ZMYM2: variants seen among roughly 807,000 people sequenced by gnomAD.
The protein encoded by ZMYM2 is zinc finger MYM-type containing 2.
A neutral mutation model predicts 162.8 loss-of-function variants in ZMYM2; 56 were observed. The ratio of observed to expected loss-of-function variants is 0.34; its 90% CI spans 0.28 to 0.43. The LOEUF is 0.43. Among genes scored for constraint, ZMYM2 ranks in the 20% least tolerant of loss-of-function variants. The pLI is 1.00. For missense variants in ZMYM2, 1,275 were observed against 1,621.8 expected (o/e 0.79, Z 3.67); for synonymous variants, 510 against 541.6 (o/e 0.94, Z 0.81).
At chr13:19,877,924 G>C in the ZMYM2 span, among the ~76,000 whole-genome samples, 3 of 152,130 alleles carry the variant, frequency 2.0e-5, no homozygotes, top group Admixed American at 2.0e-4. Flanking sequence ...GAAATCACTG[G>C]ATTATATAGT....
chr13:20,029,103 C>A (rs924801351), intron 9 of ZMYM2, among the ~76,000 whole-genome samples: 1 of 152,188 alleles, frequency 6.6e-6, no homozygotes, highest in African/African-American at 2.4e-5. Context: ...TTACAGAATA[C>A]CTTAGACTGG....
At chr13:19,898,739 A>C in the ZMYM2 span, among the ~76,000 whole-genome samples, 1 of 151,840 alleles carries the variant, frequency 6.6e-6, no homozygotes, top group African/African-American at 2.4e-5. Flanking sequence ...CAGTCTGGGC[A>C]ACAAGGCAAG....
At chr13:19,914,427 C>T in the ZMYM2 span, among the ~76,000 whole-genome samples, 669 of 152,310 alleles carry the variant, frequency 4.4e-3, 24 homozygotes, top group East Asian at 0.078. Context: ...TGAACTTCCA[C>T]TCTCCAAGGC....
intron 3 of ZMYM2, among the ~76,000 whole-genome samples, chr13:19,998,099 A>G (rs1202967885): frequency 6.6e-6 from 1 of 152,192 alleles, no homozygotes; most frequent in Non-Finnish European, 1.5e-5. Context: ...TGGGTCTTGC[A>G]TTTATATGCT....
rs1337590832 is a variant in ZMYM2 at position 20,002,914 on chromosome 13, A to G, written c.912A>G (p.Leu304=). 1.2e-6 allele frequency: 2 copies of G among 1,614,142 alleles called. No homozygotes were observed. Among genetic ancestry groups the G allele is most frequent in the South Asian group, 1.1e-5 (1 of 91,084 alleles). The change falls in exon 4 of 25, where the codon TTA becomes TTG. Residue 304 remains leucine, a synonymous_variant. Transcript: ENST00000610343. ...RNQKQPGVDS[L]SPVASLPKQI... is the part of the protein sequence containing the mutation. Reference sequence around the variant, plus strand: ...AGAAACAACCAGGGGTGGACTCTTTATCACCAGTGGCCTCACTTCCTAAAC... The same window carrying G: ...AGAAACAACCAGGGGTGGACTCTTTGTCACCAGTGGCCTCACTTCCTAAAC...
At chr13:19,917,120 G>T in the ZMYM2 span, among the ~76,000 whole-genome samples, 1 of 151,982 alleles carries the variant, frequency 6.6e-6, no homozygotes, top group African/African-American at 2.4e-5. Flanking sequence ...CCGCCACGAC[G>T]CCCGGCTAAT....
intron 24 of ZMYM2, among the ~76,000 whole-genome samples, chr13:20,084,916 G>A (rs568671346): frequency 5.3e-5 from 8 of 152,080 alleles, no homozygotes; most frequent in East Asian, 1.9e-4. Flanking sequence ...AGTTGAATGC[G>A]CCTTATCCAA....
chr13:19,874,480 A>T, the ZMYM2 span, among the ~76,000 whole-genome samples: 1 of 152,088 alleles, frequency 6.6e-6, no homozygotes, highest in Non-Finnish European at 1.5e-5. Context: ...AGATCCTCCC[A>T]CTTCAGCTTT....
intron 14 of ZMYM2, 76 bp from the exon 15 acceptor site, chr13:20,058,499 A>C: frequency 6.6e-7 from 1 of 1,517,824 alleles, no homozygotes; most frequent in Non-Finnish European, 8.8e-7. Flanking sequence ...CTTAGGACTG[A>C]AAATCCTTCA....
At chr13:20,004,316 G>A (rs1183388931) in intron 4 of ZMYM2, among the ~76,000 whole-genome samples, 3 of 151,868 alleles carry the variant, frequency 2.0e-5, no homozygotes, top group African/African-American at 4.8e-5. Context: ...GTGCAGTGGC[G>A]CTGATCTCCG....
intron 12 of ZMYM2, among the ~76,000 whole-genome samples, chr13:20,045,342 A>G (rs1158889209): frequency 6.6e-6 from 1 of 152,196 alleles, no homozygotes; most frequent in African/African-American, 2.4e-5. Context: ...AGAGCTGTGA[A>G]GTAATTGAGA....
chr13:20,078,740 T>C (rs1378512740), intron 21 of ZMYM2, among the ~76,000 whole-genome samples: 2 of 152,174 alleles, frequency 1.3e-5, no homozygotes, highest in East Asian at 3.8e-4. Flanking sequence ...TTTCAAAGAA[T>C]TGGTATTTTT....
chr13:19,931,374 T>C, the ZMYM2 span, among the ~76,000 whole-genome samples: 2 of 152,250 alleles, frequency 1.3e-5, no homozygotes, highest in Non-Finnish European at 2.9e-5. Context: ...TTTGAGAGTT[T>C]ATCTCGCATC....
rs140543988 is a variant in ZMYM2 at position 20,040,238 on chromosome 13, G to C, written c.2292+3329G>C. Among the ~76,000 whole-genome samples, 1,320 of 152,122 alleles carry C rather than the reference G, an allele frequency of 8.7e-3. 32 individuals carry two copies. Among genetic ancestry groups the C allele is most frequent in the African/African-American group, 0.03 (1,245 of 41,470 alleles). Reference sequence around the variant, plus strand: ...GTCCTGGACTTTTTTTGGTTGGTAGGGTATTTATTACTGATTCAATTTCGG... The same window carrying C: ...GTCCTGGACTTTTTTTGGTTGGTAGCGTATTTATTACTGATTCAATTTCGG... On this transcript the variant is annotated intron_variant, in intron 12 of 24. Transcript: ENST00000610343.
At chr13:19,991,775 A>G (rs1179520303) in intron 2 of ZMYM2, among the ~76,000 whole-genome samples, 1 of 151,646 alleles carries the variant, frequency 6.6e-6, no homozygotes, top group Non-Finnish European at 1.5e-5. Context: ...GACTACAGGC[A>G]TGTGCTAACA....
At position 20,066,892 on chromosome 13, in the gene ZMYM2, T is replaced by A. The variant is rs1164167262; in HGVS notation, c.3174T>A (p.Asp1058Glu). The A allele has an allele frequency of 6.2e-7, 1 of 1,612,170 alleles. No homozygotes were observed. The highest frequency in any genetic ancestry group is 2.2e-5 in the East Asian group (1 of 44,830). ...RKAVSGYQSH[D>E]DSSDNSECSF... is the part of the protein sequence containing the mutation. ...CTGTATCAGGATACCAGTCTCATGA[T>A]GATAGTTCTGACAATTCAGAATGCA... is the stretch of plus-strand genomic sequence containing the variant. The change falls in exon 20 of 25, where the codon GAT becomes GAA. Residue 1058 changes from aspartate (D) to glutamate (E), a missense_variant. Around this residue, in one of 10 missense-constraint regions of ZMYM2, gnomAD observed 229 missense variants for 283.8 expected, o/e 0.81. Transcript: ENST00000610343.
chr13:19,900,749 A>G, the ZMYM2 span, among the ~76,000 whole-genome samples: 1 of 152,170 alleles, frequency 6.6e-6, no homozygotes, highest in South Asian at 2.1e-4. Flanking sequence ...ACAAAGTACT[A>G]CAAAACAGAA....
At chr13:20,034,554 T>C in intron 11 of ZMYM2, 150 bp downstream of exon 11, 1 of 664,262 alleles carries the variant, frequency 1.5e-6, no homozygotes, top group Non-Finnish European at 2.2e-6. Flanking sequence ...CGTTATTTTA[T>C]ATGTGTTTGT....
chr13:19,885,107 C>G, the ZMYM2 span, among the ~76,000 whole-genome samples: 14 of 152,270 alleles, frequency 9.2e-5, no homozygotes, highest in South Asian at 2.9e-3. Context: ...AAGTCCCCAC[C>G]CGACCCAGAG....
Sources: gnomAD v4.1 joint callset for allele counts (sites outside exome capture counted in the v4.1 genomes callset) on GRCh38, gnomAD v4.1.1 for gene constraint, gnomAD v4.1.1 regional missense constraint, MANE v1.5 for transcripts, NCBI Gene and HGNC (gene_info 2026-07-23, HGNC 2026-07-21) for gene names.